Variants in CNTN4 observed in about 807,000 individuals in gnomAD.
CNTN4 encodes the protein contactin 4.
CNTN4 carries 77 observed loss-of-function variants against 122.5 expected under a neutral mutation model. The ratio of observed to expected loss-of-function variants is 0.63; its 90% CI spans 0.52 to 0.76. CNTN4 has a LOEUF of 0.76. CNTN4 is among the 30% of genes least tolerant of loss of function. The probability of loss-of-function intolerance (pLI) is 0.00; values close to 1 mark genes in which losing one functional copy is unlikely to be tolerated. For synonymous variants in CNTN4, 512 were observed against 447.0 expected (o/e 1.15, Z -1.83); for missense variants, 1,256 against 1,259.1 (o/e 1.00, Z 0.04).
chr3:2,388,344 T>G (rs981954656), intron 3 of CNTN4, among the ~76,000 whole-genome samples: 1 of 152,232 alleles, frequency 6.6e-6, no homozygotes, highest in African/African-American at 2.4e-5. Context: ...CTGGGATCAA[T>G]GCATTGCCAT....
intron 2 of CNTN4, among the ~76,000 whole-genome samples, chr3:2,274,990 A>AC (rs2041447031): frequency 6.6e-6 from 1 of 152,200 alleles, no homozygotes; most frequent in African/African-American, 2.4e-5. Flanking sequence ...GCAAATCCAA[A>AC]CATCTGACTG....
At chr3:2,410,061 T>G (rs1321783235) in intron 3 of CNTN4, among the ~76,000 whole-genome samples, 2 of 152,210 alleles carry the variant, frequency 1.3e-5, no homozygotes, top group Non-Finnish European at 2.9e-5. Flanking sequence ...TGCAGTTTCA[T>G]TTACCGATAT....
intron 3 of CNTN4, among the ~76,000 whole-genome samples, chr3:2,504,924 C>G (rs2076692997): frequency 6.6e-6 from 1 of 152,034 alleles, no homozygotes; most frequent in African/African-American, 2.4e-5. Context: ...GGTATGACCA[C>G]AAAAAGCACT....
chr3:2,960,320 C>G (rs1577407468), intron 13 of CNTN4, among the ~76,000 whole-genome samples: 1 of 152,254 alleles, frequency 6.6e-6, no homozygotes. Context: ...TTCTTGTCTG[C>G]AGATATTTCT....
Position 2,668,682 on chromosome 3 carries a change from G to A in CNTN4, c.56-67533G>A, listed in dbSNP as rs549738924. Among the ~76,000 whole-genome samples the A allele has an allele frequency of 5.5e-4, 83 of 152,206 alleles. No individual in the cohort carries two copies. The South Asian group carries it at 8.9e-3, about 16-fold the overall frequency. ...CCCTGTCTTGTGCCAGTTTTCAAAGGGAATGCTTCCAGTTTTTGCCCATTC... is the reference window on the plus strand; with the variant it reads ...CCCTGTCTTGTGCCAGTTTTCAAAGAGAATGCTTCCAGTTTTTGCCCATTC... On this transcript the variant is annotated intron_variant, in intron 4 of 24. Transcript: ENST00000418658.
At chr3:2,728,703 C>T (rs920841689) in intron 4 of CNTN4, among the ~76,000 whole-genome samples, 9 of 152,238 alleles carry the variant, frequency 5.9e-5, no homozygotes, top group Non-Finnish European at 1.2e-4. Flanking sequence ...AGCTACCTAC[C>T]CTCCAGATGT....
intron 8 of CNTN4, among the ~76,000 whole-genome samples, chr3:2,874,582 G>T (rs1474367303): frequency 6.6e-6 from 1 of 152,106 alleles, no homozygotes; most frequent in East Asian, 1.9e-4. Flanking sequence ...AAGCCTAATT[G>T]CAGTTAGAAG....
intron 14 of CNTN4, among the ~76,000 whole-genome samples, chr3:2,995,570 A>G (rs920940952): frequency 9.2e-5 from 14 of 152,170 alleles, no homozygotes; most frequent in African/African-American, 2.9e-4. Context: ...CAAAGCCTCT[A>G]TGCTGAAGAC....
intron 2 of CNTN4, among the ~76,000 whole-genome samples, chr3:2,266,351 T>C (rs1248869715): frequency 6.6e-6 from 1 of 152,164 alleles, no homozygotes; most frequent in African/African-American, 2.4e-5. Context: ...AGTCATGTTT[T>C]GGATTTCTCC....
chr3:2,108,550 T>C (rs1187639471), intron 2 of CNTN4, among the ~76,000 whole-genome samples: 1 of 152,176 alleles, frequency 6.6e-6, no homozygotes, highest in Non-Finnish European at 1.5e-5. Flanking sequence ...GCAATGGAAT[T>C]TCATTGAGAC....
chr3:2,694,446 G>T (rs1432423213), intron 4 of CNTN4, among the ~76,000 whole-genome samples: 1 of 152,182 alleles, frequency 6.6e-6, no homozygotes, highest in African/African-American at 2.4e-5. Flanking sequence ...GGACAGTCAA[G>T]AATTGAACAA....
chr3:2,985,937 C>T (rs1188648209), intron 13 of CNTN4, among the ~76,000 whole-genome samples: 1 of 128,968 alleles, frequency 7.8e-6, no homozygotes, highest in Non-Finnish European at 1.6e-5. Context: ...TTTTTCGAGA[C>T]AGGGTCTCGC....
At chr3:2,271,069 T>C (rs906356153) in intron 2 of CNTN4, among the ~76,000 whole-genome samples, 2 of 152,144 alleles carry the variant, frequency 1.3e-5, no homozygotes, top group African/African-American at 4.8e-5. Context: ...AGAATATAGA[T>C]GGTAGAAAAC....
chr3:2,667,461 G>C (rs1476372428), intron 4 of CNTN4, among the ~76,000 whole-genome samples: 1 of 152,076 alleles, frequency 6.6e-6, no homozygotes, highest in Non-Finnish European at 1.5e-5. Flanking sequence ...TTGCAAATTT[G>C]TTTGAGTTCC....
intron 3 of CNTN4, among the ~76,000 whole-genome samples, chr3:2,466,625 G>C (rs1162250728): frequency 1.3e-5 from 2 of 152,222 alleles, no homozygotes; most frequent in East Asian, 3.9e-4. Context: ...CAATGTTTTG[G>C]GCATTGGCTG....
chr3:2,841,848 A>G lies in CNTN4; in HGVS notation c.454+22267A>G, dbSNP rs1249196211. Among the ~76,000 whole-genome samples the G allele has an allele frequency of 6.7e-6, 1 of 150,088 alleles. No individual in the cohort carries two copies. Among genetic ancestry groups the G allele is most frequent in the East Asian group, 1.9e-4 (1 of 5,200 alleles). ...GGCTGGTAAGAGATTTAGTCCTAGG[A>G]GTAGGATCTAATCTTTTATATCACA... On this transcript the variant is annotated intron_variant, in intron 7 of 24. Coordinates refer to ENST00000418658, the MANE Select transcript of CNTN4 (RefSeq NM_175607.3). The surrounding 1 kb of genome is among the most constrained non-coding windows in gnomAD (Gnocchi z 4.8).
intron 3 of CNTN4, among the ~76,000 whole-genome samples, chr3:2,531,674 T>G (rs2077602373): frequency 6.6e-6 from 1 of 152,194 alleles, no homozygotes; most frequent in Admixed American, 6.5e-5. Flanking sequence ...CTGACTCTCT[T>G]AACGAGATTT....
intron 6 of CNTN4, among the ~76,000 whole-genome samples, chr3:2,805,328 C>G (rs532822173): frequency 6.6e-6 from 1 of 152,208 alleles, no homozygotes; most frequent in South Asian, 2.1e-4. Context: ...TGGAGTTGTG[C>G]TAGAATTCAG....
chr3:2,329,994 CCA>C (rs2043650305), intron 2 of CNTN4, among the ~76,000 whole-genome samples: 1 of 152,056 alleles, frequency 6.6e-6, no homozygotes, highest in Admixed American at 6.6e-5. Flanking sequence ...CAGTCAGAAC[CCA>C]CATGTTAAGA....
Sources: allele counts gnomAD v4.1 joint callset (sites outside exome capture counted in the v4.1 genomes callset), GRCh38; gene constraint gnomAD v4.1.1; non-coding constraint Gnocchi (gnomAD v3.1); transcripts MANE v1.5; gene names NCBI Gene and HGNC (gene_info 2026-07-23, HGNC 2026-07-21).